Variants in ZC3H12B observed in about 807,000 individuals in gnomAD.
ZC3H12B encodes probable ribonuclease ZC3H12B.
A neutral mutation model predicts 43.9 loss-of-function variants in ZC3H12B; 7 were observed. That is an observed-to-expected ratio of 0.16 (90% CI 0.09 to 0.30). The LOEUF (loss-of-function observed/expected upper bound fraction) is 0.30. ZC3H12B is among the 10% of genes least tolerant of loss of function. The pLI, the probability that ZC3H12B is intolerant of heterozygous loss-of-function variation, is 1.00. For synonymous variants in ZC3H12B, 222 were observed against 241.7 expected, an observed-to-expected ratio of 0.92 and a Z score of 0.76; for missense variants, 475 against 670.2, an observed-to-expected ratio of 0.71 and a Z score of 3.22.
intron 3 of ZC3H12B, among the ~76,000 whole-genome samples, chrX:65,404,288 G>C (rs2066797811): frequency 9.0e-6 from 1 of 111,301 alleles, no homozygotes; most frequent in Non-Finnish European, 1.9e-5. Context: ...AGGGAAAATC[G>C]CCTTCACTAA....
At chrX:65,244,997 AT>A in the ZC3H12B span, among the ~76,000 whole-genome samples, 4 of 111,126 alleles carry the variant, frequency 3.6e-5, no homozygotes, top group African/African-American at 1.3e-4. Context: ...GTTGCCTGAA[AT>A]ATGACATATT....
chrX:65,337,135 T>C, the ZC3H12B span, among the ~76,000 whole-genome samples: 1 of 111,485 alleles, frequency 9.0e-6, no homozygotes, highest in Non-Finnish European at 1.9e-5. Context: ...TCCTCTAAGT[T>C]GAACCTCTAA....
At chrX:65,148,237 C>G in the ZC3H12B span, among the ~76,000 whole-genome samples, 1 of 110,167 alleles carries the variant, frequency 9.1e-6, no homozygotes, top group Non-Finnish European at 1.9e-5. Flanking sequence ...GCTGACCTGG[C>G]TCTTTGCTGA....
chrX:65,114,916 ATTTTTTTTTTTT>A, the ZC3H12B span, among the ~76,000 whole-genome samples: 4 of 19,323 alleles, frequency 2.1e-4, no homozygotes, highest in East Asian at 5.2e-3. Context: ...GTGTCTCAGG[ATTTTTTTTTTTT>A]TTTTTTTTTT....
At chrX:65,338,737 A>G in the ZC3H12B span, among the ~76,000 whole-genome samples, 15,878 of 111,800 alleles carry the variant, frequency 0.14, 2,722 homozygotes, top group African/African-American at 0.48. Context: ...ACGATTCACC[A>G]CATAAACAGA....
At chrX:65,173,498 C>T in the ZC3H12B span, among the ~76,000 whole-genome samples, 1 of 111,666 alleles carries the variant, frequency 9.0e-6, no homozygotes, top group South Asian at 3.7e-4. Flanking sequence ...TTGTCTTGTG[C>T]CAGTTTTCAA....
At chrX:65,080,529 A>G in the ZC3H12B span, among the ~76,000 whole-genome samples, 2 of 111,538 alleles carry the variant, frequency 1.8e-5, no homozygotes. Context: ...AATATCTGGC[A>G]GCAGACATTT....
the ZC3H12B span, chrX:65,356,998 A>G: frequency 1.9e-6 from 1 of 512,880 alleles, no homozygotes; most frequent in Non-Finnish European, 3.6e-6. Context: ...ATGGTGTATA[A>G]AATGGATGTT....
At chrX:65,305,665 T>C in the ZC3H12B span, among the ~76,000 whole-genome samples, 8 of 112,208 alleles carry the variant, frequency 7.1e-5, no homozygotes, top group African/African-American at 1.9e-4. Flanking sequence ...ATTTGTTATG[T>C]TATTATTTGT....
upstream of ZC3H12B, among the ~76,000 whole-genome samples, chrX:65,362,010 A>C (rs542931632): frequency 9.8e-5 from 11 of 112,356 alleles, no homozygotes; most frequent in South Asian, 4.1e-3. Context: ...AAATCTGGCC[A>C]CTGGGCCAAC....
chrX:65,477,123 C>G (rs2068003080), intron 3 of ZC3H12B, among the ~76,000 whole-genome samples: 1 of 109,027 alleles, frequency 9.2e-6, no homozygotes, highest in African/African-American at 3.4e-5. Flanking sequence ...CGTGAGCCAC[C>G]ATGAACTGCC....
chrX:65,225,924 G>T, the ZC3H12B span, among the ~76,000 whole-genome samples: 1 of 112,188 alleles, frequency 8.9e-6, no homozygotes, highest in African/African-American at 3.2e-5. Context: ...GTGACGGGTA[G>T]AATGGAACCA....
At chrX:65,442,259 G>A (rs1269498550) in intron 3 of ZC3H12B, among the ~76,000 whole-genome samples, 1 of 109,602 alleles carries the variant, frequency 9.1e-6, no homozygotes, top group Non-Finnish European at 1.9e-5. Context: ...CCTGGCAATC[G>A]GGATTAGCAT....
chrX:65,089,860 G>C, the ZC3H12B span, among the ~76,000 whole-genome samples: 1 of 111,006 alleles, frequency 9.0e-6, no homozygotes, highest in Non-Finnish European at 1.9e-5. Flanking sequence ...CAGTTTCACT[G>C]TCTTCCCCCT....
At chrX:65,232,550 G>A in the ZC3H12B span, among the ~76,000 whole-genome samples, 1 of 111,757 alleles carries the variant, frequency 8.9e-6, no homozygotes, top group East Asian at 2.8e-4. Context: ...CTTATAACGT[G>A]TTATTTGCAA....
At chrX:65,298,428 CAT>C in the ZC3H12B span, among the ~76,000 whole-genome samples, 1 of 112,103 alleles carries the variant, frequency 8.9e-6, no homozygotes, top group Admixed American at 9.4e-5. Context: ...GCATTGAATG[CAT>C]ATGTTATACA....
At chrX:65,336,517 G>T in the ZC3H12B span, among the ~76,000 whole-genome samples, 1 of 112,377 alleles carries the variant, frequency 8.9e-6, no homozygotes, top group Non-Finnish European at 1.9e-5. Flanking sequence ...ACCAATTATC[G>T]AACTGGCAAG....
chrX:65,255,591 T>G, the ZC3H12B span, among the ~76,000 whole-genome samples: 11 of 112,130 alleles, frequency 9.8e-5, no homozygotes, highest in Admixed American at 1.0e-3. Context: ...AAAATACACT[T>G]ATTTACATAG....
At chrX:65,331,320 A>T in the ZC3H12B span, 26 of 111,618 alleles carry the variant, frequency 2.3e-4, no homozygotes, top group Admixed American at 2.3e-3. Flanking sequence ...TAAAAGGAAT[A>T]ATTTTTTTTT....
Sources: allele counts gnomAD v4.1 joint callset (sites outside exome capture counted in the v4.1 genomes callset), GRCh38; gene constraint gnomAD v4.1.1; transcripts MANE v1.5; gene names NCBI Gene and HGNC (gene_info 2026-07-23, HGNC 2026-07-21).